Variants in DCC observed in about 807,000 individuals in gnomAD.
The protein encoded by DCC is netrin receptor DCC.
DCC carries 58 observed loss-of-function variants against 172.5 expected under a neutral mutation model. The observed-to-expected ratio is 0.34, with a 90% CI of 0.27 to 0.42. DCC has a LOEUF of 0.42. Ranked by LOEUF, DCC falls within the 10% of genes least tolerant of loss-of-function variation. The probability of loss-of-function intolerance (pLI) is 1.00; values close to 1 mark genes in which losing one functional copy is unlikely to be tolerated. For missense variants in DCC, 1,740 were observed against 1,791.0 expected (o/e 0.97, Z 0.51); for synonymous variants, 709 against 644.5 (o/e 1.10, Z -1.52).
rs145033307 is a variant in DCC at position 53,306,370 on chromosome 18, C to T, written c.2053+651C>T. Among the ~76,000 whole-genome samples, 16 of 152,258 alleles carry T rather than the reference C, an allele frequency of 1.1e-4. No homozygotes were observed. The South Asian group carries it at 1.4e-3, about 14-fold the overall frequency. On this transcript the variant is annotated intron_variant, in intron 13 of 28. Coordinates refer to ENST00000442544, the MANE Select transcript of DCC (RefSeq NM_005215.4). ...AAACAGAATGAGGCGAGGCTTTCAA[C>T]GTAATACCTTTAAAGTTATAAGTTC...
chr18:53,027,843 A>G (rs1243414794), intron 5 of DCC, among the ~76,000 whole-genome samples: 4 of 151,532 alleles, frequency 2.6e-5, no homozygotes. Context: ...TTTCTGTTCT[A>G]ATCTCTGAGA....
intron 9 of DCC, among the ~76,000 whole-genome samples, chr18:53,198,794 G>A (rs895712313): frequency 6.6e-6 from 1 of 152,158 alleles, no homozygotes; most frequent in African/African-American, 2.4e-5. Context: ...ATTGATTGAT[G>A]AGTTACTTGC....
At chr18:52,450,303 C>T (rs1175043139) in intron 1 of DCC, among the ~76,000 whole-genome samples, 1 of 152,158 alleles carries the variant, frequency 6.6e-6, no homozygotes, top group Non-Finnish European at 1.5e-5. Flanking sequence ...TTGCTGCTTT[C>T]ATTAATAATT....
At chr18:53,019,883 A>G (rs575305354) in intron 5 of DCC, among the ~76,000 whole-genome samples, 63 of 152,158 alleles carry the variant, frequency 4.1e-4, no homozygotes, top group Non-Finnish European at 7.6e-4. Context: ...AAGGACCTTC[A>G]TTGACTCCTG....
intron 1 of DCC, among the ~76,000 whole-genome samples, chr18:52,687,794 GT>G (rs2035866533): frequency 6.6e-6 from 1 of 152,082 alleles, no homozygotes; most frequent in Non-Finnish European, 1.5e-5. Context: ...AACCAAGAGT[GT>G]ATAGGTATTG....
intron 1 of DCC, among the ~76,000 whole-genome samples, chr18:52,725,055 T>C (rs2036531890): frequency 6.6e-6 from 1 of 152,218 alleles, no homozygotes; most frequent in Non-Finnish European, 1.5e-5. Context: ...TTTCAAGGCA[T>C]TCCCTGTAGG....
intron 2 of DCC, among the ~76,000 whole-genome samples, chr18:52,864,403 A>G (rs1220494375): frequency 6.6e-6 from 1 of 152,242 alleles, no homozygotes; most frequent in African/African-American, 2.4e-5. Flanking sequence ...ATGAACCTAG[A>G]GAAAGTTCAG....
intron 5 of DCC, among the ~76,000 whole-genome samples, chr18:52,947,279 AG>A (rs1312613761): frequency 6.6e-6 from 1 of 152,218 alleles, no homozygotes; most frequent in African/African-American, 2.4e-5. Context: ...ACATTCCACT[AG>A]AAGCCTTTTA....
chr18:53,028,099 A>T (rs1468401899), intron 5 of DCC, among the ~76,000 whole-genome samples: 3 of 152,108 alleles, frequency 2.0e-5, no homozygotes, highest in African/African-American at 7.2e-5. Context: ...TCTAAAATAC[A>T]CTGTGTCCAA....
chr18:52,428,663 A>T (rs957092987), intron 1 of DCC, among the ~76,000 whole-genome samples: 2 of 152,132 alleles, frequency 1.3e-5, no homozygotes, highest in African/African-American at 4.8e-5. Flanking sequence ...TTCAGGATCT[A>T]AACTTGGTAC....
chr18:52,536,481 G>T (rs1031729967), intron 1 of DCC, among the ~76,000 whole-genome samples: 6 of 152,154 alleles, frequency 3.9e-5, no homozygotes, highest in African/African-American at 1.4e-4. Context: ...TTACCAAACT[G>T]GGAGCAAGAC....
At chr18:53,492,800 T>C (rs893817062) in intron 26 of DCC, among the ~76,000 whole-genome samples, 1 of 152,168 alleles carries the variant, frequency 6.6e-6, no homozygotes. Flanking sequence ...CTCTTGGCTA[T>C]ATGAGCTCTT....
At chr18:52,876,443 A>G (rs754596534) in intron 2 of DCC, among the ~76,000 whole-genome samples, 3 of 152,226 alleles carry the variant, frequency 2.0e-5, no homozygotes, top group Non-Finnish European at 4.4e-5. Flanking sequence ...TACATTCTTT[A>G]CTTGATGGCT....
intron 1 of DCC, among the ~76,000 whole-genome samples, chr18:52,387,785 A>G (rs749566112): frequency 6.6e-6 from 1 of 152,106 alleles, no homozygotes; most frequent in Non-Finnish European, 1.5e-5. Context: ...TTCTGCTGCA[A>G]TGAATGGGAT....
chr18:53,026,684 T>C (rs1364875165), intron 5 of DCC, among the ~76,000 whole-genome samples: 2 of 152,136 alleles, frequency 1.3e-5, no homozygotes, highest in Admixed American at 6.6e-5. Context: ...GCCTCCCAAG[T>C]AGCTGGAACT....
At chr18:52,590,470 A>G (rs1438111793) in intron 1 of DCC, among the ~76,000 whole-genome samples, 1 of 152,232 alleles carries the variant, frequency 6.6e-6, no homozygotes, top group Non-Finnish European at 1.5e-5. Context: ...ACATGAATAA[A>G]TAATATTTTT....
chr18:52,448,469 T>C (rs1257556934), intron 1 of DCC, among the ~76,000 whole-genome samples: 1 of 152,186 alleles, frequency 6.6e-6, no homozygotes, highest in Non-Finnish European at 1.5e-5. Flanking sequence ...AGAGTTTTTT[T>C]TTTAATTATT....
intron 2 of DCC, among the ~76,000 whole-genome samples, chr18:52,839,808 A>G (rs1240951665): frequency 6.6e-6 from 1 of 152,206 alleles, no homozygotes; most frequent in Admixed American, 6.5e-5. Flanking sequence ...TTGTTTAGAC[A>G]TGGAAAATAA....
At chr18:53,101,364 C>A (rs966737929) in intron 7 of DCC, among the ~76,000 whole-genome samples, 4 of 151,962 alleles carry the variant, frequency 2.6e-5, no homozygotes, top group African/African-American at 9.7e-5. Context: ...TTAGATTAAT[C>A]CTTAAGGAGT....
Sources: gnomAD v4.1 joint callset for allele counts (sites outside exome capture counted in the v4.1 genomes callset) on GRCh38, gnomAD v4.1.1 for gene constraint, MANE v1.5 for transcripts, NCBI Gene and HGNC (gene_info 2026-07-23, HGNC 2026-07-21) for gene names.